The following CNTN1 variants were observed in gnomAD, a reference collection of about 807,000 sequenced individuals.
The protein encoded by CNTN1 is contactin 1, also known as contactin-1.
In CNTN1, 38 loss-of-function variants were observed where a neutral mutation model predicts 126.4. The ratio of observed to expected loss-of-function variants is 0.30; its 90% CI spans 0.23 to 0.39. CNTN1 has a LOEUF of 0.39. Among genes scored for constraint, CNTN1 ranks in the 10% least tolerant of loss-of-function variants. CNTN1 has a pLI of 1.00. For synonymous variants in CNTN1, 413 were observed against 422.6 expected (o/e 0.98, Z 0.28); for missense variants, 1,009 against 1,248.4 (o/e 0.81, Z 2.89).
chr12:40,713,482 C>T (rs1010972817), intron 1 of CNTN1, among the ~76,000 whole-genome samples: 4 of 151,030 alleles, frequency 2.6e-5, no homozygotes, highest in Non-Finnish European at 4.4e-5. Flanking sequence ...GCAGAATAAA[C>T]TTACTCAGTG....
At chr12:40,925,626 C>CAT (rs1555181856) in intron 6 of CNTN1, among the ~76,000 whole-genome samples, 6 of 104,258 alleles carry the variant, frequency 5.8e-5, no homozygotes, top group Admixed American at 3.8e-4. Context: ...TATATATACA[C>CAT]ATATATATAT....
chr12:41,003,612 C>T (rs942569659), intron 17 of CNTN1, among the ~76,000 whole-genome samples: 13 of 150,412 alleles, frequency 8.6e-5, no homozygotes, highest in African/African-American at 3.2e-4. Context: ...CTATTTATTA[C>T]TAACTCAATT....
At chr12:40,773,716 C>T (rs1457262251) in intron 1 of CNTN1, among the ~76,000 whole-genome samples, 1 of 129,928 alleles carries the variant, frequency 7.7e-6, no homozygotes, top group African/African-American at 3.2e-5. Flanking sequence ...TATATATATA[C>T]ACATATATAT....
intron 1 of CNTN1, among the ~76,000 whole-genome samples, chr12:40,790,715 T>A (rs1940187797): frequency 6.6e-6 from 1 of 152,066 alleles, no homozygotes; most frequent in African/African-American, 2.4e-5. Flanking sequence ...ACATCTCCTG[T>A]CCCACCGCCA....
At chr12:40,788,248 C>T (rs1268120698) in intron 1 of CNTN1, among the ~76,000 whole-genome samples, 2 of 152,020 alleles carry the variant, frequency 1.3e-5, no homozygotes, top group Admixed American at 1.3e-4. Flanking sequence ...TACACACAGC[C>T]GCTATGGAAA....
intron 1 of CNTN1, among the ~76,000 whole-genome samples, chr12:40,723,468 G>A (rs957638988): frequency 2.0e-5 from 3 of 152,168 alleles, no homozygotes; most frequent in African/African-American, 7.2e-5. Context: ...GGAGGAAACT[G>A]GAACTAAGTG....
At chr12:40,897,192 A>T (rs908846036) in intron 1 of CNTN1, among the ~76,000 whole-genome samples, 8 of 152,144 alleles carry the variant, frequency 5.3e-5, no homozygotes, top group African/African-American at 1.9e-4. Flanking sequence ...ATAGTAAGAG[A>T]ATTATAGTTT....
chr12:40,706,372 G>C (rs948213574), intron 1 of CNTN1, among the ~76,000 whole-genome samples: 1 of 149,416 alleles, frequency 6.7e-6, no homozygotes, highest in African/African-American at 2.5e-5. Flanking sequence ...TTTTCAGGAA[G>C]GTTCTCCTGG....
intron 1 of CNTN1, among the ~76,000 whole-genome samples, chr12:40,699,721 A>G (rs973065392): frequency 6.6e-6 from 1 of 152,006 alleles, no homozygotes; most frequent in African/African-American, 2.4e-5. Flanking sequence ...CAGTTTTGAA[A>G]GTTAGATTCA....
At chr12:41,052,351 A>G (rs1169094988) in intron 23 of CNTN1, among the ~76,000 whole-genome samples, 2 of 152,202 alleles carry the variant, frequency 1.3e-5, no homozygotes, top group Non-Finnish European at 2.9e-5. Context: ...CTACATGCCT[A>G]TAGCAAAATA....
intron 1 of CNTN1, among the ~76,000 whole-genome samples, chr12:40,846,232 T>G (rs755873501): frequency 6.6e-5 from 10 of 152,078 alleles, no homozygotes; most frequent in Non-Finnish European, 8.8e-5. Context: ...CCCAGCACTT[T>G]GGAAGGCTGA....
chr12:40,954,658 C>T (rs1946808626), intron 14 of CNTN1, among the ~76,000 whole-genome samples: 1 of 152,124 alleles, frequency 6.6e-6, no homozygotes, highest in South Asian at 2.1e-4. Flanking sequence ...CCTCAGTTTC[C>T]ATGCTTCGCT....
At position 40,802,427 on chromosome 12, in the gene CNTN1, A is replaced by G. The variant is rs144447794; in HGVS notation, c.-76-105930A>G. Among the ~76,000 whole-genome samples the G allele has an allele frequency of 1.2e-3, 181 of 152,138 alleles. 2 individuals carry two copies. The highest frequency in any genetic ancestry group is 1.8e-3 in the Admixed American group (27 of 15,240). On this transcript the variant is annotated intron_variant, in intron 1 of 23. Coordinates refer to ENST00000551295, the MANE Select transcript of CNTN1 (RefSeq NM_001843.4). ...AAAAATATAAACTTTATTTCTCAAC[A>G]CAAGTTCATCAATGACAAGACACTT... is the stretch of plus-strand genomic sequence containing the variant.
At position 40,868,906 on chromosome 12, in the gene CNTN1, C is replaced by A. The variant is rs144072634; in HGVS notation, c.-76-39451C>A. ...AAAAGAGTTGTCATATGAATAAAAT[C>A]TCACCCACTTCTCAGTTTTGCTTGA... On this transcript the variant is annotated intron_variant, in intron 1 of 23. Transcript: ENST00000551295. Among the ~76,000 whole-genome samples, 144 of 152,156 alleles carry A rather than the reference C, an allele frequency of 9.5e-4. 1 individual carries two copies. The highest frequency in any genetic ancestry group is 3.4e-3 in the African/African-American group (142 of 41,530).
chr12:40,844,601 C>T (rs921091201), intron 1 of CNTN1, among the ~76,000 whole-genome samples: 1 of 152,006 alleles, frequency 6.6e-6, no homozygotes, highest in African/African-American at 2.4e-5. Flanking sequence ...AATCCTTCAC[C>T]AAGAATAAAA....
chr12:40,809,814 TCACACA>T (rs3223354), intron 1 of CNTN1, among the ~76,000 whole-genome samples: 67,699 of 146,696 alleles, frequency 0.46, 15,571 homozygotes, highest in East Asian at 0.59. Context: ...AGACTCTGTC[TCACACA>T]CACACACACA....
intron 15 of CNTN1, among the ~76,000 whole-genome samples, chr12:40,965,988 CCTCATCACACCACA>C (rs1947292162): frequency 6.9e-6 from 1 of 145,296 alleles, no homozygotes; most frequent in African/African-American, 2.6e-5. Context: ...AGTATACACA[CCTCATCACACCACA>C]CACACACACA....
chr12:40,914,100 C>T (rs922354069), intron 3 of CNTN1, among the ~76,000 whole-genome samples: 6 of 152,062 alleles, frequency 3.9e-5, no homozygotes, highest in Admixed American at 3.9e-4. Flanking sequence ...CAATCTCTAT[C>T]TGTGGTTTGT....
intron 1 of CNTN1, among the ~76,000 whole-genome samples, chr12:40,879,766 C>A (rs908582830): frequency 6.6e-6 from 1 of 152,028 alleles, no homozygotes; most frequent in Non-Finnish European, 1.5e-5. Context: ...CACAGAGACA[C>A]GTAAATTCTT....
Sources: allele counts gnomAD v4.1 joint callset (sites outside exome capture counted in the v4.1 genomes callset), GRCh38; gene constraint gnomAD v4.1.1; transcripts MANE v1.5; gene names NCBI Gene and HGNC (gene_info 2026-07-23, HGNC 2026-07-21).